The following FANCD2 variants were observed in gnomAD, a reference collection of about 807,000 sequenced individuals.
The protein encoded by FANCD2 is Fanconi anemia group D2 protein.
Under a neutral mutation model 192.3 loss-of-function variants are expected in FANCD2, and 131 were observed. The observed-to-expected ratio is 0.68, with a 90% CI of 0.59 to 0.79. FANCD2 has a LOEUF of 0.79. Ranked by LOEUF, FANCD2 falls within the 30% of genes least tolerant of loss-of-function variation. The pLI, the probability that FANCD2 is intolerant of heterozygous loss-of-function variation, is 0.00. For missense variants in FANCD2, 1,508 were observed against 1,701.6 expected (o/e 0.89, Z 2.00); for synonymous variants, 524 against 612.5 (o/e 0.86, Z 2.13).
At chr3:10,040,029 C>CTT in intron 9 of FANCD2, 184 bp downstream of exon 9, 17 of 519,040 alleles carry the variant, frequency 3.3e-5, no homozygotes, top group South Asian at 1.5e-4. Context: ...GATCCACATA[C>CTT]TTTCTTTTTT....
chr3:10,076,483 T>TA (rs1693551724), intron 29 of FANCD2, among the ~76,000 whole-genome samples: 1 of 152,210 alleles, frequency 6.6e-6, no homozygotes, highest in African/African-American at 2.4e-5. Flanking sequence ...TGCTTGACTT[T>TA]ATTATATGAC....
At chr3:10,067,351 A>T (rs769202819) in intron 26 of FANCD2, 34 bp downstream of exon 26, 1 of 1,251,964 alleles carries the variant, frequency 8.0e-7, no homozygotes, top group South Asian at 1.2e-5. Context: ...TAGTACTACT[A>T]GGCCAGTAGT....
At chr3:10,049,215 C>G (rs1375857497) in intron 16 of FANCD2, among the ~76,000 whole-genome samples, 159 bp from the exon 17 acceptor site, 1 of 149,558 alleles carries the variant, frequency 6.7e-6, no homozygotes, top group African/African-American at 2.5e-5. Flanking sequence ...TCCTAAATCT[C>G]CTGAAGCCAA....
rs564972753 is a variant in FANCD2 at position 10,081,018 on chromosome 3, T to C, written c.2977-82T>C. On this transcript the variant is annotated intron_variant, in intron 30 of 43. Transcript: ENST00000675286. Reference sequence around the variant, plus strand: ...TCTGCTCCTACCTGGTGACACAGGTTTGACTTGACTCCATTGCGAACCCTT... The same window carrying C: ...TCTGCTCCTACCTGGTGACACAGGTCTGACTTGACTCCATTGCGAACCCTT... 503 of 1,509,426 alleles carry C rather than the reference T, an allele frequency of 3.3e-4. 7 individuals are homozygous for C. The South Asian group carries it at 5.4e-3, about 16-fold the overall frequency. The allele number at this position is 1,509,426 out of a possible 1,614,324, so 93.5% of individuals were successfully genotyped here.
chr3:10,078,511 C>T (rs558205181), intron 30 of FANCD2, among the ~76,000 whole-genome samples: 5 of 152,084 alleles, frequency 3.3e-5, no homozygotes, highest in South Asian at 2.1e-4. Flanking sequence ...CCTGCCACCA[C>T]GCCTGGCTAA....
rs35760922 is a variant in FANCD2, at chr3:10,051,380, C to CAAAA, written c.1546-983_1546-980dup. Among the ~76,000 whole-genome samples, 33 of 8,702 alleles carry CAAAA rather than the reference C, an allele frequency of 3.8e-3. 4 individuals are homozygous for CAAAA. The highest frequency in any genetic ancestry group is 0.031 in the South Asian group (2 of 64). 5.7% of individuals were successfully genotyped at this position (8,702 alleles called of 152,430 possible). On this transcript the variant is annotated intron_variant, in intron 17 of 43. Transcript: ENST00000675286. ...TGGGCGACAGAGCGAGACTCCGTCTCAAAAAAAAAAAAAAAAAAAAAAAAA... is the reference window on the plus strand; with the variant it reads ...TGGGCGACAGAGCGAGACTCCGTCTCAAAAAAAAAAAAAAAAAAAAAAAAAAAAA...
At chr3:10,073,187 G>T in intron 27 of FANCD2, 66 bp from the exon 28 acceptor site, 1 of 1,302,682 alleles carries the variant, frequency 7.7e-7, no homozygotes, top group Non-Finnish European at 1.1e-6. Flanking sequence ...GTTTTCTGAG[G>T]GCAATGATAT....
At chr3:10,041,841 T>A in intron 10 of FANCD2, 131 bp downstream of exon 10, 1 of 629,992 alleles carries the variant, frequency 1.6e-6, no homozygotes, top group East Asian at 2.9e-5. Context: ...TTGATATCTC[T>A]CTTTTTTTTT....
intron 7 of FANCD2, 75 bp from the exon 8 acceptor site, chr3:10,039,204 T>C (rs1575741653): frequency 9.8e-7 from 1 of 1,022,112 alleles, no homozygotes; most frequent in East Asian, 2.4e-5. Flanking sequence ...CTAAAATATT[T>C]TGTGCAGTAT....
At position 10,096,375 on chromosome 3, in the gene FANCD2, C is replaced by G. The variant is rs1694965189; in HGVS notation, c.4088C>G (p.Thr1363Ser). The G allele has an allele frequency of 6.2e-7, 1 of 1,613,908 alleles. No individual in the cohort carries two copies. The highest frequency in any genetic ancestry group is 1.7e-5 in the Admixed American group (1 of 59,984). Residue 1363 changes from threonine (T) to serine (S), a missense_variant, in exon 42 of 44, where the codon ACC becomes AGC. By Grantham distance (58) the Thr-to-Ser change is moderately conservative. Around this residue, in one of 5 missense-constraint regions of FANCD2, gnomAD observed 796 missense variants for 879.4 expected, o/e 0.91. Coordinates refer to ENST00000675286, the MANE Select transcript of FANCD2 (RefSeq NM_001018115.3). The stretch of plus-strand genomic sequence containing the variant: ...CAACATGTGCCTCTGCTCAAAAAGA[C>G]CCTGGAACTTTTAGTTTGCAGAGTC... ...LTQHVPLLKKTLELLVCRVKA... is the reference protein window; with the variant it reads ...LTQHVPLLKKSLELLVCRVKA...
chr3:10,085,802 A>G lies in FANCD2; in HGVS notation c.3225-10A>G, dbSNP rs1427420268. The G allele has an allele frequency of 6.3e-7, 1 of 1,589,780 alleles. No individual in the cohort carries two copies. The highest frequency in any genetic ancestry group is 2.2e-5 in the East Asian group (1 of 44,712). On this transcript the variant is annotated splice_polypyrimidine_tract_variant and intron_variant, in intron 32 of 43. Coordinates refer to ENST00000675286, the MANE Select transcript of FANCD2 (RefSeq NM_001018115.3). The stretch of plus-strand genomic sequence containing the variant: ...AACTAAGCTAACCCCTCTTACCTTG[A>G]CTTCCTTAGGAGTGGATTTTCTCAA...
chr3:10,081,128 C>T lies in FANCD2; in HGVS notation c.3005C>T (p.Ser1002Leu), dbSNP rs1693811646. ...AAAGGAAGCCGGAATATTGGATTCT[C>T]ACATCTCCAACAGAGATCTGCCCAA... ...KNKGSRNIGF[S>L]HLQQRSAQEI... Residue 1002 changes from serine (S) to leucine (L), a missense_variant, in exon 31 of 44, where the codon TCA becomes TTA. Around this residue, in one of 5 missense-constraint regions of FANCD2, gnomAD observed 796 missense variants for 879.4 expected, o/e 0.91. Coordinates refer to ENST00000675286, the MANE Select transcript of FANCD2 (RefSeq NM_001018115.3). The T allele has an allele frequency of 6.2e-7, 1 of 1,614,124 alleles. No individual in the cohort carries two copies. Among genetic ancestry groups the T allele is most frequent in the Non-Finnish European group, 8.5e-7 (1 of 1,179,988 alleles).
At chr3:10,070,124 GGAGGT>G (rs1265844864) in intron 26 of FANCD2, among the ~76,000 whole-genome samples, 1 of 151,116 alleles carries the variant, frequency 6.6e-6, no homozygotes, top group Non-Finnish European at 1.5e-5. Context: ...ACCCCGTCTG[GGAGGT>G]GAGGAGCGTC....
Position 10,101,923 on chromosome 3 carries a change from C to T in FANCD2, c.*661C>T, listed in dbSNP as rs532834749. 2.6e-3 allele frequency: 478 copies of T among 181,570 alleles called. No individual in the cohort carries two copies. The highest frequency in any genetic ancestry group is 4.6e-3 in the Non-Finnish European group (389 of 85,204). 11.2% of individuals were successfully genotyped at this position (181,570 alleles called of 1,614,324 possible). A position where few individuals can be genotyped will look rare whatever the true frequency, so the allele number is the denominator to read the frequency against. On this transcript the variant is annotated 3_prime_UTR_variant, in exon 44 of 44. Coordinates refer to ENST00000675286, the MANE Select transcript of FANCD2 (RefSeq NM_001018115.3). Reference sequence around the variant, plus strand: ...ACCAATTTTACAAATAAATTCTGTTCTAAGTTCTGCCTCAGTTGCCTCATT... The same window carrying T: ...ACCAATTTTACAAATAAATTCTGTTTTAAGTTCTGCCTCAGTTGCCTCATT...
In FANCD2 at chr3:10,036,268, C is replaced by A; in HGVS notation, c.439-19C>A. On this transcript the variant is annotated intron_variant, in intron 6 of 43. Coordinates refer to ENST00000675286, the MANE Select transcript of FANCD2 (RefSeq NM_001018115.3). ...GTATTTTGAGATCATCTCCTAACTC[C>A]CTATGTCTTCTTTTTTAGCCTGCCA... The A allele has an allele frequency of 6.3e-7, 1 of 1,599,682 alleles. No individual in the cohort carries two copies. The highest frequency in any genetic ancestry group is 8.6e-7 in the Non-Finnish European group (1 of 1,167,652).
At chr3:10,071,644 A>G (rs1693254041) in intron 26 of FANCD2, among the ~76,000 whole-genome samples, 1 of 152,192 alleles carries the variant, frequency 6.6e-6, no homozygotes, top group African/African-American at 2.4e-5. Flanking sequence ...ACTCATGGAG[A>G]TAGAGTAGAA....
At chr3:10,078,981 C>CAGCACAGG (rs1693681684) in intron 30 of FANCD2, among the ~76,000 whole-genome samples, 1 of 151,762 alleles carries the variant, frequency 6.6e-6, no homozygotes, top group Admixed American at 6.6e-5. Flanking sequence ...TGGTTCACAC[C>CAGCACAGG]TGTAATTCCA....
In FANCD2 at chr3:10,090,280, C is replaced by G. The variant is rs1390802107; in HGVS notation, c.3684-12C>G. The G allele has an allele frequency of 2.5e-6, 4 of 1,606,132 alleles. No individual in the cohort carries two copies. The highest frequency in any genetic ancestry group is 3.4e-6 in the Non-Finnish European group (4 of 1,173,402). On this transcript the variant is annotated splice_polypyrimidine_tract_variant and intron_variant, in intron 36 of 43. Transcript: ENST00000675286. ...TCATGGTGTGGGCACGCATGCTTTTCCCGTCTTCTAGGCATACTTTTGTTG... is the reference window on the plus strand; with the variant it reads ...TCATGGTGTGGGCACGCATGCTTTTGCCGTCTTCTAGGCATACTTTTGTTG...
chr3:10,066,810 C>T (rs1455864395), intron 25 of FANCD2, among the ~76,000 whole-genome samples: 5 of 152,104 alleles, frequency 3.3e-5, no homozygotes, highest in African/African-American at 7.2e-5. Context: ...CTGCAACCTC[C>T]GCCTCCCAGG....
Sources: gnomAD v4.1 joint callset for allele counts (sites outside exome capture counted in the v4.1 genomes callset) on GRCh38, gnomAD v4.1.1 for gene constraint, gnomAD v4.1.1 regional missense constraint, MANE v1.5 for transcripts, NCBI Gene and HGNC (gene_info 2026-07-23, HGNC 2026-07-21) for gene names.